The following CC2D2A variants were observed in gnomAD, a reference collection of about 807,000 sequenced individuals.
CC2D2A encodes the protein coiled-coil and C2 domain containing 2A.
A neutral mutation model predicts 212.9 loss-of-function variants in CC2D2A; 155 were observed. The observed-to-expected ratio is 0.73, with a 90% CI of 0.64 to 0.83. CC2D2A has a LOEUF of 0.83. Among genes scored for constraint, CC2D2A ranks in the 40% least tolerant of loss-of-function variants. The probability of loss-of-function intolerance (pLI) is 0.00; values close to 1 mark genes in which losing one functional copy is unlikely to be tolerated. For missense variants in CC2D2A, 1,856 were observed against 1,956.2 expected (o/e 0.95, Z 0.97); for synonymous variants, 667 against 686.5 (o/e 0.97, Z 0.44).
intron 31 of CC2D2A, among the ~76,000 whole-genome samples, chr4:15,587,085 G>C (rs1489857116): frequency 2.0e-5 from 3 of 152,160 alleles, no homozygotes; most frequent in Non-Finnish European, 2.9e-5. Context: ...ATTTTTCCAT[G>C]GATCAGTCAG....
At position 15,510,303 on chromosome 4, in the gene CC2D2A, ACATGACTACAGGC is replaced by A. The variant is rs1716497081; in HGVS notation, c.540+65_540+77del. ...GTGTTTTTTACAAATATCCAATGAC[ACATGACTACAGGC>A]CGGGTGTGGTGGCTCACGCCTGCAA... On this transcript the variant is annotated intron_variant, in intron 7 of 36. Transcript: ENST00000424120. 1.3e-5 allele frequency: 19 copies of A among 1,415,602 alleles called. No individual in the cohort carries two copies. The South Asian group carries it at 2.3e-4, about 17-fold the overall frequency. 87.7% of individuals were successfully genotyped at this position (1,415,602 alleles called of 1,614,324 possible). A position where few individuals can be genotyped will look rare whatever the true frequency, so the allele number is the denominator to read the frequency against.
chr4:15,478,779 G>A lies in CC2D2A; in HGVS notation c.96G>A (p.Lys32=), dbSNP rs1199529412. Residue 32 remains lysine (K), a synonymous_variant, in exon 3 of 37, where the codon AAG becomes AAA. Transcript: ENST00000424120. ...TGGGAAGACAGAATAAGAACTCAAA[G>A]GTTCGAAGACAGCCAAGAAAGAAAC... The part of the protein sequence containing the change: ...ADMGRQNKNS[K]VRRQPRKKQP... 6.4e-7 allele frequency: 1 copy of A among 1,554,664 alleles called. No homozygotes were observed. Among genetic ancestry groups the A allele is most frequent in the Non-Finnish European group, 8.7e-7 (1 of 1,148,618 alleles).
chr4:15,600,903 C>CAAAAAAA (rs5856308), intron 36 of CC2D2A, among the ~76,000 whole-genome samples: 1 of 93,004 alleles, frequency 1.1e-5, no homozygotes, highest in African/African-American at 4.3e-5. Flanking sequence ...AGACCTGTCT[C>CAAAAAAA]AAAAAAAAAA....
At chr4:15,497,352 A>G (rs1323069525) in intron 4 of CC2D2A, among the ~76,000 whole-genome samples, 1 of 152,146 alleles carries the variant, frequency 6.6e-6, no homozygotes, top group East Asian at 1.9e-4. Context: ...TATATTTTAT[A>G]GTCTATCCTG....
At chr4:15,524,481 C>T (rs1443369565) in intron 11 of CC2D2A, among the ~76,000 whole-genome samples, 1 of 129,296 alleles carries the variant, frequency 7.7e-6, no homozygotes, top group South Asian at 2.6e-4. Context: ...GATGGAGTCT[C>T]ACTCTGCTGC....
intron 34 of CC2D2A, among the ~76,000 whole-genome samples, chr4:15,596,676 G>A (rs1245225363): frequency 6.6e-6 from 1 of 152,130 alleles, no homozygotes; most frequent in South Asian, 2.1e-4. Flanking sequence ...GTGTGTACTA[G>A]GTTTGTAATG....
rs1473344178 is a variant in CC2D2A at position 15,475,972 on chromosome 4, G to T, written c.39+1G>T. 6.3e-7 allele frequency: 1 copy of T among 1,589,244 alleles called. No individual in the cohort carries two copies. ...AGAAAAAGTAAAAATAATTACAGAG[G>T]TAAGTGGCCACTTTGATGTCCTCTA... On this transcript the variant is annotated splice_donor_variant, in intron 2 of 36. Transcript: ENST00000424120. LOFTEE classifies it high-confidence loss of function.
intron 14 of CC2D2A, among the ~76,000 whole-genome samples, chr4:15,536,071 A>G (rs1426352436): frequency 1.3e-5 from 2 of 152,202 alleles, no homozygotes; most frequent in Non-Finnish European, 2.9e-5. Flanking sequence ...CCTACAGAAC[A>G]CACTGTGGGA....
At chr4:15,482,238 A>G (rs1415510890) in intron 4 of CC2D2A, 1 of 985,188 alleles carries the variant, frequency 1.0e-6, no homozygotes, top group Non-Finnish European at 1.2e-6. Flanking sequence ...GCTGTTATGA[A>G]TTAATAAAAA....
chr4:15,509,973 G>A (rs996013190), intron 6 of CC2D2A, among the ~76,000 whole-genome samples, 166 bp from the exon 7 acceptor site: 28 of 152,324 alleles, frequency 1.8e-4, no homozygotes, highest in African/African-American at 6.0e-4. Flanking sequence ...GCTATGGAGC[G>A]CATGACTGCA....
rs754175491 is a variant in CC2D2A at position 15,537,007 on chromosome 4, G to T, written c.1695G>T (p.Glu565Asp). 1 of 1,613,644 alleles carries T rather than the reference G, an allele frequency of 6.2e-7. No individual in the cohort carries two copies. The highest frequency in any genetic ancestry group is 8.5e-7 in the Non-Finnish European group (1 of 1,179,712). The change falls in exon 15 of 37, where the codon GAG (glutamate) becomes GAT (aspartate). Residue 565 changes from glutamate to aspartate, a missense_variant. Transcript: ENST00000424120. ...GTGAACTGTTAGAAGAGCACACGGA[G>T]GAGTACGCACAGAAGATGGAAGAAT... The part of the protein sequence containing the change: ...EISELLEEHT[E>D]EYAQKMEEYR...
chr4:15,508,271 C>G (rs1485853890), intron 6 of CC2D2A, among the ~76,000 whole-genome samples: 1 of 152,178 alleles, frequency 6.6e-6, no homozygotes, highest in African/African-American at 2.4e-5. Context: ...ACTCACTTTC[C>G]ACCTGCTTTA....
In CC2D2A at chr4:15,541,739, C is replaced by A. The variant is rs1359996210; in HGVS notation, c.2181+725C>A. Among the ~76,000 whole-genome samples the A allele has an allele frequency of 2.0e-5, 3 of 152,128 alleles. No homozygotes were observed. The East Asian group carries it at 5.8e-4, about 29-fold the overall frequency. On this transcript the variant is annotated intron_variant, in intron 17 of 36. Transcript: ENST00000424120. ...GGGAAAGATACAGGTGCTAGGATCCCCCAAAAATTAATAAATCTCCTCACT... is the reference window on the plus strand; with the variant it reads ...GGGAAAGATACAGGTGCTAGGATCCACCAAAAATTAATAAATCTCCTCACT...
intron 3 of CC2D2A, chr4:15,479,171 G>T: frequency 1.5e-6 from 2 of 1,332,514 alleles, no homozygotes; most frequent in Admixed American, 2.0e-5. Flanking sequence ...TACAAATCTT[G>T]GGAAACTCCC....
At chr4:15,542,015 T>C (rs1718481291) in intron 17 of CC2D2A, among the ~76,000 whole-genome samples, 1 of 152,114 alleles carries the variant, frequency 6.6e-6, no homozygotes, top group South Asian at 2.1e-4. Flanking sequence ...TGGTTTGTGT[T>C]AGCGTAACTC....
chr4:15,491,872 A>G (rs936332143), intron 4 of CC2D2A, among the ~76,000 whole-genome samples: 6 of 152,198 alleles, frequency 3.9e-5, no homozygotes, highest in Non-Finnish European at 8.8e-5. Context: ...TGAAGTACAA[A>G]AGTTTTAAAT....
chr4:15,584,029 A>C (rs911086710), intron 30 of CC2D2A, among the ~76,000 whole-genome samples: 1 of 152,094 alleles, frequency 6.6e-6, no homozygotes, highest in Non-Finnish European at 1.5e-5. Context: ...AAATGGAAAG[A>C]TATCCTGTGT....
chr4:15,483,537 C>T (rs1186958250), intron 4 of CC2D2A, among the ~76,000 whole-genome samples: 2 of 152,164 alleles, frequency 1.3e-5, no homozygotes. Context: ...GGAAAATCAG[C>T]CTCCTTCTTT....
chr4:15,566,712 C>T (rs1307082469), intron 24 of CC2D2A, among the ~76,000 whole-genome samples: 2 of 152,098 alleles, frequency 1.3e-5, no homozygotes, highest in Non-Finnish European at 2.9e-5. Context: ...TGGCTCACAC[C>T]TGCAATATCA....
Sources: allele counts gnomAD v4.1 joint callset (sites outside exome capture counted in the v4.1 genomes callset), GRCh38; gene constraint gnomAD v4.1.1; transcripts MANE v1.5; gene names NCBI Gene and HGNC (gene_info 2026-07-23, HGNC 2026-07-21).